NRCAM: variants seen among roughly 807,000 people sequenced by gnomAD.
The protein encoded by NRCAM is neuronal cell adhesion molecule.
In NRCAM, 83 loss-of-function variants were observed where a neutral mutation model predicts 156.5. The observed-to-expected ratio is 0.53, with a 90% CI of 0.44 to 0.64. The LOEUF is 0.64. Ranked by LOEUF, NRCAM falls within the 30% of genes least tolerant of loss-of-function variation. NRCAM has a pLI of 0.00. For missense variants in NRCAM, 1,417 were observed against 1,597.3 expected (o/e 0.89, Z 1.92); for synonymous variants, 538 against 563.9 (o/e 0.95, Z 0.65).
intron 3 of NRCAM, among the ~76,000 whole-genome samples, chr7:108,301,057 G>A (rs1411403084): frequency 6.6e-6 from 1 of 152,022 alleles, no homozygotes; most frequent in East Asian, 1.9e-4. Flanking sequence ...TTATAAGGAA[G>A]ACCATTATGT....
At chr7:108,164,323 A>G (rs1473630735) in intron 30 of NRCAM, among the ~76,000 whole-genome samples, 6 of 152,144 alleles carry the variant, frequency 3.9e-5, no homozygotes, top group African/African-American at 1.4e-4. Context: ...TTTGTGCCAT[A>G]GGAAAAAAAT....
At chr7:108,268,332 GCTGGGT>G (rs2097186647) in intron 3 of NRCAM, among the ~76,000 whole-genome samples, 1 of 152,076 alleles carries the variant, frequency 6.6e-6, no homozygotes, top group Non-Finnish European at 1.5e-5. Flanking sequence ...CCTGTCAATG[GCTGGGT>G]CTGCTTAGTT....
chr7:108,386,171 T>C (rs943652898), intron 2 of NRCAM, among the ~76,000 whole-genome samples: 1 of 152,196 alleles, frequency 6.6e-6, no homozygotes, highest in Non-Finnish European at 1.5e-5. Flanking sequence ...ATGGCTCCAA[T>C]AGCTCCAGAG....
intron 13 of NRCAM, among the ~76,000 whole-genome samples, chr7:108,203,449 G>GT (rs34404114): frequency 0.89 from 132,288 of 148,360 alleles, 58,980 homozygotes; most frequent in East Asian, 0.98. Context: ...AATTTTTCCA[G>GT]TTTTTTTTTT....
At chr7:108,432,697 G>A (rs981210880) in intron 1 of NRCAM, among the ~76,000 whole-genome samples, 1 of 152,206 alleles carries the variant, frequency 6.6e-6, no homozygotes, top group Non-Finnish European at 1.5e-5. Flanking sequence ...GAGATCAAGA[G>A]TTCGAGACCA....
chr7:108,289,198 T>C (rs1032262709), intron 3 of NRCAM, among the ~76,000 whole-genome samples: 5 of 152,118 alleles, frequency 3.3e-5, no homozygotes, highest in African/African-American at 1.2e-4. Flanking sequence ...AGAAAACATA[T>C]AGATAAATTC....
intron 26 of NRCAM, among the ~76,000 whole-genome samples, chr7:108,177,715 ACGTG>A (rs2061456899): frequency 5.1e-5 from 1 of 19,596 alleles, no homozygotes; most frequent in Non-Finnish European, 2.4e-4. Flanking sequence ...ATATATATAT[ACGTG>A]TGTATATATA....
intron 2 of NRCAM, among the ~76,000 whole-genome samples, chr7:108,327,894 A>G (rs2099086752): frequency 6.6e-6 from 1 of 152,188 alleles, no homozygotes; most frequent in Admixed American, 6.6e-5. Flanking sequence ...AAAGTATTAT[A>G]CTATCCTCAA....
intron 3 of NRCAM, among the ~76,000 whole-genome samples, chr7:108,308,719 C>T (rs146756342): frequency 2.6e-4 from 40 of 152,326 alleles, no homozygotes; most frequent in African/African-American, 9.1e-4. Context: ...ATTTCAACTG[C>T]TCTTTCTGAG....
Position 108,254,551 on chromosome 7 carries a change from C to CTTTTTTTTTTT in NRCAM, c.-106-14392_-106-14382dup, listed in dbSNP as rs71137620. 2.2e-3 allele frequency among the ~76,000 whole-genome samples: 288 copies of CTTTTTTTTTTT among 130,264 alleles called. 10 individuals carry two copies. The highest frequency in any genetic ancestry group is 8.4e-3 in the African/African-American group (273 of 32,308). 85.5% of individuals were successfully genotyped at this position (130,264 alleles called of 152,430 possible). Reference sequence around the variant, plus strand: ...TAGCCATTCTGAAAAAACAATTTTGCTTTTTTTTTTTTTTTGAGATGGAAC... The same window carrying CTTTTTTTTTTT: ...TAGCCATTCTGAAAAAACAATTTTGCTTTTTTTTTTTTTTTTTTTTTTTTTTGAGATGGAAC... On this transcript the variant is annotated intron_variant, in intron 3 of 32. Transcript: ENST00000379028.
intron 31 of NRCAM, 69 bp from the exon 32 acceptor site, chr7:108,159,610 A>G: frequency 8.6e-7 from 1 of 1,156,512 alleles, no homozygotes; most frequent in African/African-American, 1.5e-5. Flanking sequence ...CCATGAAAGC[A>G]TTCTTTGAGA....
rs1563132716 is a variant in NRCAM, at chr7:108,147,656, C to T, written c.*2254G>A. On this transcript the variant is annotated 3_prime_UTR_variant, in exon 33 of 33. Coordinates refer to ENST00000379028, the MANE Select transcript of NRCAM (RefSeq NM_001037132.4). Reference sequence around the variant, plus strand: ...AAAAAGTTAAAAGTCACAAAGAGATCAAGACTGTTTAATAGTTACTTTTTT... The same window carrying T: ...AAAAAGTTAAAAGTCACAAAGAGATTAAGACTGTTTAATAGTTACTTTTTT... 6.6e-6 allele frequency: 1 copy of T among 152,186 alleles called. No individual in the cohort carries two copies. Among genetic ancestry groups the T allele is most frequent in the Non-Finnish European group, 1.5e-5 (1 of 68,010 alleles). The allele number at this position is 152,186 out of a possible 1,614,324, so 9.4% of individuals were successfully genotyped here.
At chr7:108,182,034 T>C in intron 23 of NRCAM, 97 bp from the exon 24 acceptor site, 2 of 804,482 alleles carry the variant, frequency 2.5e-6, no homozygotes, top group Non-Finnish European at 4.2e-6. Flanking sequence ...TGAAGCATAC[T>C]GCAGACCTAT....
chr7:108,331,643 T>C (rs2099128308), intron 2 of NRCAM, among the ~76,000 whole-genome samples: 1 of 152,188 alleles, frequency 6.6e-6, no homozygotes, highest in African/African-American at 2.4e-5. Flanking sequence ...GCAGATGCTA[T>C]GTAAGTATTT....
chr7:108,312,833 C>T (rs1198052213), intron 2 of NRCAM, 102 bp from the exon 3 acceptor site: 3 of 152,064 alleles, frequency 2.0e-5, no homozygotes, highest in Non-Finnish European at 2.9e-5. Flanking sequence ...TTATGGGAAA[C>T]ACAATTAAAG....
chr7:108,387,856 G>C (rs2099746134), intron 2 of NRCAM, among the ~76,000 whole-genome samples: 1 of 152,032 alleles, frequency 6.6e-6, no homozygotes, highest in Admixed American at 6.6e-5. Context: ...ATGGTTTCCA[G>C]CTTCATCCAT....
At chr7:108,159,180 C>T in intron 32 of NRCAM, 1 of 573,036 alleles carries the variant, frequency 1.7e-6, no homozygotes, top group South Asian at 1.5e-5. Flanking sequence ...AGCATATTGG[C>T]TTTGCTAGAT....
chr7:108,168,992 G>C (rs1021626257), intron 28 of NRCAM, among the ~76,000 whole-genome samples: 3 of 152,180 alleles, frequency 2.0e-5, no homozygotes, highest in African/African-American at 7.2e-5. Context: ...ATGATGGATG[G>C]TAAGGGTATG....
intron 3 of NRCAM, among the ~76,000 whole-genome samples, chr7:108,299,130 G>GA (rs1404483448): frequency 1.6e-4 from 12 of 77,162 alleles, no homozygotes; most frequent in South Asian, 4.7e-4. Context: ...AAGAAAGAAA[G>GA]AAAGAAAGAA....
Sources: gnomAD v4.1 joint callset for allele counts (sites outside exome capture counted in the v4.1 genomes callset) on GRCh38, gnomAD v4.1.1 for gene constraint, MANE v1.5 for transcripts, NCBI Gene and HGNC (gene_info 2026-07-23, HGNC 2026-07-21) for gene names.